The following DLC1 variants were observed in gnomAD, a reference collection of about 807,000 sequenced individuals.
DLC1 encodes the protein DLC1 Rho GTPase activating protein, also known as rho GTPase-activating protein 7.
DLC1 carries 54 observed loss-of-function variants against 140.3 expected under a neutral mutation model. The ratio of observed to expected loss-of-function variants is 0.38; its 90% CI spans 0.31 to 0.48. The LOEUF (loss-of-function observed/expected upper bound fraction) is 0.48. Ranked by LOEUF, DLC1 falls within the 20% of genes least tolerant of loss-of-function variation. The pLI, the probability that DLC1 is intolerant of heterozygous loss-of-function variation, is 0.96. For synonymous variants in DLC1, 986 were observed against 728.1 expected (o/e 1.35, Z -5.70); for missense variants, 2,536 against 1,907.0 (o/e 1.33, Z -6.14).
chr8:13,105,672 G>A (rs1446674140), intron 7 of DLC1, among the ~76,000 whole-genome samples: 2 of 149,772 alleles, frequency 1.3e-5, no homozygotes, highest in Non-Finnish European at 1.5e-5. Context: ...CCGCCTCCCC[G>A]TTTCAAGCAA....
chr8:13,097,249 T>TTTATTA (rs149250885), intron 10 of DLC1, among the ~76,000 whole-genome samples: 18,291 of 146,880 alleles, frequency 0.12, 1,854 homozygotes, highest in African/African-American at 0.27. Context: ...CACATCCAAA[T>TTTATTA]TTATTATTAT....
chr8:13,301,962 A>C (rs556676103), intron 5 of DLC1, among the ~76,000 whole-genome samples: 8 of 152,328 alleles, frequency 5.3e-5, no homozygotes, highest in African/African-American at 1.4e-4. Flanking sequence ...TCCTGGTGCC[A>C]AAAAGGTTGA....
intron 5 of DLC1, among the ~76,000 whole-genome samples, chr8:13,116,551 C>T (rs762066971): frequency 1.2e-4 from 19 of 152,188 alleles, no homozygotes; most frequent in Non-Finnish European, 2.4e-4. Flanking sequence ...CTCAACATTG[C>T]ATAATTTATG....
At chr8:13,133,387 G>T in intron 5 of DLC1, 1 of 901,566 alleles carries the variant, frequency 1.1e-6, no homozygotes, top group Non-Finnish European at 1.4e-6. Flanking sequence ...CGCTGTCTGG[G>T]TCGCAGGCCT....
At chr8:13,404,544 TA>T (rs1424281241) in intron 2 of DLC1, among the ~76,000 whole-genome samples, 1 of 152,208 alleles carries the variant, frequency 6.6e-6, no homozygotes, top group African/African-American at 2.4e-5. Context: ...AATAACATAC[TA>T]AAATAACACA....
At chr8:13,491,001 A>ATG (rs1801209853) in intron 2 of DLC1, among the ~76,000 whole-genome samples, 2 of 146,854 alleles carry the variant, frequency 1.4e-5, no homozygotes, top group Non-Finnish European at 3.0e-5. Context: ...ACACACACAC[A>ATG]TATATATATA....
At chr8:13,572,903 A>G (rs1488269204) in intron 1 of DLC1, among the ~76,000 whole-genome samples, 2 of 152,328 alleles carry the variant, frequency 1.3e-5, no homozygotes, top group East Asian at 3.9e-4. Flanking sequence ...TTTTGAAATC[A>G]TGAAACATGG....
intron 5 of DLC1, among the ~76,000 whole-genome samples, chr8:13,302,639 A>G (rs1832246727): frequency 6.6e-6 from 1 of 151,584 alleles, no homozygotes; most frequent in Admixed American, 6.6e-5. Context: ...GTTAGCTTGG[A>G]TGAGAGGTCA....
chr8:13,205,446 C>T (rs988337796), intron 5 of DLC1, among the ~76,000 whole-genome samples: 3 of 152,136 alleles, frequency 2.0e-5, no homozygotes, highest in African/African-American at 7.2e-5. Context: ...TGTGGTTCCG[C>T]GGCATAAATG....
chr8:13,230,047 C>T (rs1005415789), intron 5 of DLC1, among the ~76,000 whole-genome samples: 4 of 152,204 alleles, frequency 2.6e-5, no homozygotes, highest in African/African-American at 7.2e-5. Flanking sequence ...GCTGCAGGCT[C>T]ATAAAGGACA....
At chr8:13,136,697 G>A (rs758464153) in intron 5 of DLC1, among the ~76,000 whole-genome samples, 8 of 152,104 alleles carry the variant, frequency 5.3e-5, no homozygotes, top group Non-Finnish European at 1.0e-4. Context: ...ACCACATCTG[G>A]CTAATTTTTG....
In DLC1 at chr8:13,122,326, G is replaced by C. The variant is rs577867321; in HGVS notation, c.1349-6669C>G. 2.0e-5 allele frequency among the ~76,000 whole-genome samples: 3 copies of C among 152,226 alleles called. No homozygotes were observed. The East Asian group carries it at 5.8e-4, about 29-fold the overall frequency. Reference sequence around the variant, plus strand: ...TGCTCCAGGCTTTCCAAACTCCTTGGAGTTCTGAGGACGTACCAAGCTCTC... The same window carrying C: ...TGCTCCAGGCTTTCCAAACTCCTTGCAGTTCTGAGGACGTACCAAGCTCTC... On this transcript the variant is annotated intron_variant, in intron 5 of 17. Transcript: ENST00000276297.
At chr8:13,285,796 T>C (rs1360267344) in intron 5 of DLC1, among the ~76,000 whole-genome samples, 1 of 152,150 alleles carries the variant, frequency 6.6e-6, no homozygotes, top group Non-Finnish European at 1.5e-5. Flanking sequence ...TAGGAATTAC[T>C]AAAGATATAT....
chr8:13,088,713 A>C lies in DLC1; in HGVS notation c.4075-9T>G. The stretch of plus-strand genomic sequence containing the variant: ...GGGGGTCCTTCGCTCACCTGGAAAG[A>C]GGATGTATTTTTCAGTGCCAAGGCA... On this transcript the variant is annotated splice_polypyrimidine_tract_variant and intron_variant, in intron 15 of 17. Transcript: ENST00000276297. The C allele has an allele frequency of 1.2e-6, 2 of 1,613,676 alleles. No individual in the cohort carries two copies. Among genetic ancestry groups the C allele is most frequent in the Non-Finnish European group, 1.7e-6 (2 of 1,179,836 alleles).
intron 5 of DLC1, among the ~76,000 whole-genome samples, chr8:13,145,747 A>C (rs1169468920): frequency 6.6e-6 from 1 of 152,250 alleles, no homozygotes; most frequent in Non-Finnish European, 1.5e-5. Flanking sequence ...AACAATGTTG[A>C]ATGAAATATA....
At chr8:13,089,766 A>G (rs1817888183) in intron 15 of DLC1, among the ~76,000 whole-genome samples, 2 of 152,218 alleles carry the variant, frequency 1.3e-5, no homozygotes, top group Admixed American at 1.3e-4. Context: ...CGATGGACCT[A>G]TCCTGCTGAG....
At chr8:13,267,001 A>G (rs1310515838) in intron 5 of DLC1, among the ~76,000 whole-genome samples, 4 of 152,160 alleles carry the variant, frequency 2.6e-5, no homozygotes, top group African/African-American at 9.7e-5. Flanking sequence ...TTACCAACTC[A>G]TTTGTCCAGC....
At chr8:13,585,334 C>T (rs1266869183) in intron 1 of DLC1, among the ~76,000 whole-genome samples, 2 of 151,738 alleles carry the variant, frequency 1.3e-5, no homozygotes, top group Non-Finnish European at 2.9e-5. Context: ...GAGGCTGAGG[C>T]CAAAGGATTG....
intron 1 of DLC1, among the ~76,000 whole-genome samples, chr8:13,510,053 C>G (rs1223677839): frequency 1.3e-5 from 2 of 152,068 alleles, no homozygotes; most frequent in Non-Finnish European, 2.9e-5. Flanking sequence ...TTCAACTGAT[C>G]TTAGCTGCAG....
Sources: gnomAD v4.1 joint callset for allele counts (sites outside exome capture counted in the v4.1 genomes callset) on GRCh38, gnomAD v4.1.1 for gene constraint, MANE v1.5 for transcripts, NCBI Gene and HGNC (gene_info 2026-07-23, HGNC 2026-07-21) for gene names.